RXFP1: variants seen among roughly 807,000 people sequenced by gnomAD.
RXFP1 encodes relaxin receptor 1.
A neutral mutation model predicts 89.8 loss-of-function variants in RXFP1; 73 were observed. The observed-to-expected ratio is 0.81, with a 90% CI of 0.67 to 0.99. The LOEUF (loss-of-function observed/expected upper bound fraction) is 0.99. Among genes scored for constraint, RXFP1 ranks in the 50% least tolerant of loss-of-function variants. The pLI, the probability that RXFP1 is intolerant of heterozygous loss-of-function variation, is 0.00. For missense variants in RXFP1, 793 were observed against 895.5 expected, an observed-to-expected ratio of 0.89 and a Z score of 1.46; for synonymous variants, 277 against 305.5, an observed-to-expected ratio of 0.91 and a Z score of 0.97.
chr4:158,541,742 C>T (rs1746688839), intron 1 of RXFP1, among the ~76,000 whole-genome samples: 1 of 152,032 alleles, frequency 6.6e-6, no homozygotes, highest in Non-Finnish European at 1.5e-5. Flanking sequence ...TATGACCCTT[C>T]GCAAGCACTT....
At chr4:158,597,614 C>T (rs554248058) in intron 3 of RXFP1, among the ~76,000 whole-genome samples, 173 of 152,222 alleles carry the variant, frequency 1.1e-3, no homozygotes, top group Non-Finnish European at 1.8e-3. Flanking sequence ...CATTCCTTGG[C>T]TGTTGGATAT....
At chr4:158,612,986 C>T (rs985024856) in intron 8 of RXFP1, among the ~76,000 whole-genome samples, 3 of 152,150 alleles carry the variant, frequency 2.0e-5, no homozygotes, top group African/African-American at 7.2e-5. Context: ...TGTTCCAGAC[C>T]ACTGTAATAA....
At chr4:158,546,348 G>A (rs918938318) in intron 1 of RXFP1, among the ~76,000 whole-genome samples, 1 of 152,090 alleles carries the variant, frequency 6.6e-6, no homozygotes, top group Non-Finnish European at 1.5e-5. Flanking sequence ...AAGAGATTTT[G>A]GGCTGAGACA....
At chr4:158,539,946 G>C (rs149755832) in intron 1 of RXFP1, among the ~76,000 whole-genome samples, 53 of 152,266 alleles carry the variant, frequency 3.5e-4, no homozygotes, top group Non-Finnish European at 6.8e-4. Flanking sequence ...GTTAAGAGCA[G>C]TGGGTTTAGA....
chr4:158,582,156 T>TG (rs550829349), intron 2 of RXFP1, among the ~76,000 whole-genome samples: 3 of 152,174 alleles, frequency 2.0e-5, no homozygotes, highest in Non-Finnish European at 4.4e-5. Flanking sequence ...CATTTCAGCA[T>TG]GGGGTTGGGT....
chr4:158,634,709 A>G (rs1040057707), intron 12 of RXFP1, among the ~76,000 whole-genome samples: 1 of 152,116 alleles, frequency 6.6e-6, no homozygotes, highest in African/African-American at 2.4e-5. Flanking sequence ...ACTTATGTAC[A>G]TGGTGTAAGG....
intron 1 of RXFP1, among the ~76,000 whole-genome samples, chr4:158,533,448 G>T (rs575876967): frequency 6.6e-6 from 1 of 152,116 alleles, no homozygotes. Context: ...TCATTATAAC[G>T]AAATACCTTA....
At chr4:158,593,313 A>C in intron 2 of RXFP1, 88 bp from the exon 3 acceptor site, 2 of 655,020 alleles carry the variant, frequency 3.1e-6, no homozygotes, top group Non-Finnish European at 5.2e-6. Context: ...AAACCACTGG[A>C]CTGTTTTAAA....
chr4:158,615,426 C>A (rs543344246), intron 8 of RXFP1, among the ~76,000 whole-genome samples: 1 of 152,130 alleles, frequency 6.6e-6, no homozygotes, highest in African/African-American at 2.4e-5. Context: ...TCCCCAGGTA[C>A]TTGGGAAGCT....
chr4:158,542,109 A>ATATGTATTTT, intron 1 of RXFP1, among the ~76,000 whole-genome samples: 1 of 35,254 alleles, frequency 2.8e-5, no homozygotes, highest in Non-Finnish European at 5.6e-5. Context: ...ATATATATAT[A>ATATGTATTTT]TTTTTTTTTT....
intron 2 of RXFP1, among the ~76,000 whole-genome samples, chr4:158,577,605 T>C (rs147841920): frequency 7.0e-4 from 107 of 152,284 alleles, no homozygotes; most frequent in African/African-American, 2.3e-3. Flanking sequence ...AAGGTATATC[T>C]TAAACTCCAA....
chr4:158,628,255 GT>G (rs1767305082), intron 10 of RXFP1, among the ~76,000 whole-genome samples: 1 of 152,140 alleles, frequency 6.6e-6, no homozygotes, highest in African/African-American at 2.4e-5. Flanking sequence ...TAACAAATGA[GT>G]AGGAGTGCTG....
At chr4:158,626,780 G>T (rs1766931481) in intron 9 of RXFP1, 40 bp from the exon 10 acceptor site, 1 of 1,216,762 alleles carries the variant, frequency 8.2e-7, no homozygotes, top group Non-Finnish European at 1.2e-6. Flanking sequence ...TTCTCTCCAT[G>T]ATTAAGATTT....
chr4:158,521,717 CGT>C, upstream of RXFP1: 1 of 466,462 alleles, frequency 2.1e-6, no homozygotes. Flanking sequence ...CGCACGCGTG[CGT>C]GTGTGTAAAG....
chr4:158,569,426 TTGAC>T (rs1480383210), intron 1 of RXFP1, among the ~76,000 whole-genome samples: 2 of 152,172 alleles, frequency 1.3e-5, no homozygotes, highest in East Asian at 1.9e-4. Context: ...ACTACGGACT[TTGAC>T]TGACAATGAT....
intron 1 of RXFP1, among the ~76,000 whole-genome samples, chr4:158,561,171 T>C (rs1303603800): frequency 6.6e-6 from 1 of 152,352 alleles, no homozygotes; most frequent in East Asian, 1.9e-4. Context: ...AAAATTGAAC[T>C]TAACCAGTCT....
At chr4:158,533,845 C>T (rs559661797) in intron 1 of RXFP1, among the ~76,000 whole-genome samples, 5 of 152,282 alleles carry the variant, frequency 3.3e-5, no homozygotes, top group African/African-American at 1.2e-4. Context: ...CTTTTCCCTA[C>T]ACTTTTCTAT....
At chr4:158,550,840 C>A (rs1435470298) in intron 1 of RXFP1, among the ~76,000 whole-genome samples, 1 of 152,102 alleles carries the variant, frequency 6.6e-6, no homozygotes, top group Non-Finnish European at 1.5e-5. Flanking sequence ...GCAATTTATT[C>A]CTCTATGCTT....
chr4:158,646,606 G>T, intron 15 of RXFP1, 185 bp from the exon 16 acceptor site: 2 of 1,403,442 alleles, frequency 1.4e-6, no homozygotes, highest in Non-Finnish European at 9.2e-7. Flanking sequence ...TTTGAGAGTG[G>T]TTACCAAAGA....
Sources: allele counts gnomAD v4.1 joint callset (sites outside exome capture counted in the v4.1 genomes callset), GRCh38; gene constraint gnomAD v4.1.1; transcripts MANE v1.5; gene names NCBI Gene and HGNC (gene_info 2026-07-23, HGNC 2026-07-21).